PFKFB2: variants seen among roughly 807,000 people sequenced by gnomAD.
PFKFB2 encodes the protein 6-phosphofructo-2-kinase/fructose-2,6-bisphosphatase 2.
In PFKFB2, 53 loss-of-function variants were observed where a neutral mutation model predicts 68.0. That is an observed-to-expected ratio of 0.78 (90% CI 0.63 to 0.98). PFKFB2 has a LOEUF of 0.98. Ranked by LOEUF, PFKFB2 falls within the 50% of genes least tolerant of loss-of-function variation. The pLI, the probability that PFKFB2 is intolerant of heterozygous loss-of-function variation, is 0.00. For synonymous variants in PFKFB2, 222 were observed against 227.6 expected, an observed-to-expected ratio of 0.98 and a Z score of 0.22; for missense variants, 451 against 642.0, an observed-to-expected ratio of 0.70 and a Z score of 3.22.
rs1439274448 is a variant in PFKFB2, at chr1:207,077,759, T to A, written c.*5388T>A. 2 of 985,706 alleles carry A rather than the reference T, an allele frequency of 2.0e-6. No individual in the cohort carries two copies. Among genetic ancestry groups the A allele is most frequent in the Non-Finnish European group, 2.4e-6 (2 of 829,860 alleles). 61.1% of individuals were successfully genotyped at this position (985,706 alleles called of 1,614,324 possible). On this transcript the variant is annotated 3_prime_UTR_variant, in exon 15 of 15. Transcript: ENST00000367080. ...AGTGTGCATAACTGTATTTGAAATG[T>A]GTTTTTGTGTGCGTGTGTGTAGAAT...
intron 1 of PFKFB2, among the ~76,000 whole-genome samples, chr1:207,039,039 C>T (rs1196166807): frequency 6.6e-6 from 1 of 152,180 alleles, no homozygotes; most frequent in Non-Finnish European, 1.5e-5. Flanking sequence ...CTTAGCTTTT[C>T]CTAGCCAAAT....
At chr1:207,038,921 A>G (rs1264745631) in intron 1 of PFKFB2, among the ~76,000 whole-genome samples, 1 of 152,222 alleles carries the variant, frequency 6.6e-6, no homozygotes, top group East Asian at 1.9e-4. Flanking sequence ...TATTAAATGA[A>G]TTAATATTAT....
At chr1:207,047,076 A>C (rs1478811198) in intron 2 of PFKFB2, 2 of 152,502 alleles carry the variant, frequency 1.3e-5, no homozygotes, top group Non-Finnish European at 2.9e-5. Context: ...TGGGAGAAGT[A>C]AAAAAGATAC....
chr1:207,076,263 T>G lies in PFKFB2; in HGVS notation c.*3892T>G. On this transcript the variant is annotated 3_prime_UTR_variant, in exon 15 of 15. Transcript: ENST00000367080. Reference sequence around the variant, plus strand: ...GTTACTTTTTTTTTCTTTTTTTTTTTTTTTTATGAGCAGGAGATCTTAATT... The same window carrying G: ...GTTACTTTTTTTTTCTTTTTTTTTTGTTTTTATGAGCAGGAGATCTTAATT... 1 of 979,872 alleles carries G rather than the reference T, an allele frequency of 1.0e-6. No individual in the cohort carries two copies. The highest frequency in any genetic ancestry group is 4.7e-5 in the South Asian group (1 of 21,156). 60.7% of individuals were successfully genotyped at this position (979,872 alleles called of 1,614,324 possible). A position where few individuals can be genotyped will look rare whatever the true frequency, so the allele number is the denominator to read the frequency against.
At chr1:207,062,184 C>A in intron 3 of PFKFB2, 106 bp downstream of exon 3, 1 of 1,411,224 alleles carries the variant, frequency 7.1e-7, no homozygotes, top group Non-Finnish European at 9.8e-7. Context: ...GTGCTTTTGG[C>A]AGAAATAGCA....
chr1:207,062,001 G>T lies in PFKFB2; in HGVS notation c.134G>T (p.Gly45Val). Residue 45 changes from glycine to valine, a missense_variant, in exon 3 of 15, where the codon GGT becomes GTT. Gly to Val is a moderately radical substitution (Grantham distance 109, BLOSUM62 -3). Coordinates refer to ENST00000367080, the MANE Select transcript of PFKFB2 (RefSeq NM_006212.2). ...TNSPTLIVMIGLPARGKTYVS... is the reference protein window; with the variant it reads ...TNSPTLIVMIVLPARGKTYVS... ...TCCCCGACTCTGATCGTTATGATTG[G>T]TTTGCCAGCCCGGGGTAAAACCTAC... 6.2e-7 allele frequency: 1 copy of T among 1,614,188 alleles called. No homozygotes were observed. The highest frequency in any genetic ancestry group is 8.5e-7 in the Non-Finnish European group (1 of 1,180,026).
rs759818347 is a variant in PFKFB2 at position 207,067,552 on chromosome 1, G to A, written c.686G>A (p.Arg229Lys). Residue 229 changes from arginine (R) to lysine (K), a missense_variant, in exon 9 of 15, where the codon AGA becomes AAA. Arg to Lys is a conservative substitution (Grantham distance 26). Transcript: ENST00000367080. The part of the protein sequence containing the change: ...INVGQRFLVN[R>K]VQDYIQSKIV... ...GTGGGCCAGCGATTTTTAGTCAACA[G>A]AGTCCAGGACTACATCCAGAGCAAG... 1 of 1,613,950 alleles carries A rather than the reference G, an allele frequency of 6.2e-7. No individual in the cohort carries two copies. Among genetic ancestry groups the A allele is most frequent in the South Asian group, 1.1e-5 (1 of 91,070 alleles).
In PFKFB2 at chr1:207,068,244, A is replaced by G; in HGVS notation, c.922A>G (p.Ile308Val). Residue 308 changes from isoleucine to valine, a missense_variant, in exon 10 of 15, where the codon ATA becomes GTA. Physicochemically the swap from Ile to Val is conservative, Grantham distance 29. Transcript: ENST00000367080. Reference sequence around the variant, plus strand: ...GTGGACAAGCCAGTTGAAGAGGACCATACAGACTGCTGAATCTCTCGGGGT... The same window carrying G: ...GTGGACAAGCCAGTTGAAGAGGACCGTACAGACTGCTGAATCTCTCGGGGT... ...KVWTSQLKRT[I>V]QTAESLGVPY... 1 of 1,612,642 alleles carries G rather than the reference A, an allele frequency of 6.2e-7. No homozygotes were observed. The highest frequency in any genetic ancestry group is 8.5e-7 in the Non-Finnish European group (1 of 1,179,278).
rs141734566 is a variant in PFKFB2 at position 207,054,283 on chromosome 1, C to A, written c.-17-418C>A. Reference sequence around the variant, plus strand: ...TACTTCGTCTATACATAACCCACCCCACCCCAACTGCTGCCACTACTCTGC... The same window carrying A: ...TACTTCGTCTATACATAACCCACCCAACCCCAACTGCTGCCACTACTCTGC... On this transcript the variant is annotated intron_variant, in intron 1 of 14. Transcript: ENST00000367080. Among the ~76,000 whole-genome samples the A allele has an allele frequency of 3.2e-4, 49 of 152,238 alleles. No homozygotes were observed. The East Asian group carries it at 9.5e-3, about 29-fold the overall frequency.
intron 11 of PFKFB2, among the ~76,000 whole-genome samples, chr1:207,069,890 C>T (rs904497146): frequency 2.0e-5 from 3 of 152,014 alleles, no homozygotes; most frequent in African/African-American, 7.3e-5. Context: ...AGGCTATTTC[C>T]TTGTCTAAGT....
rs767860693 is a variant in PFKFB2, at chr1:207,067,718, T to C, written c.840+12T>C. The C allele has an allele frequency of 4.4e-6, 7 of 1,595,912 alleles. No homozygotes were observed. Among genetic ancestry groups the C allele is most frequent in the Middle Eastern group, 1.7e-4 (1 of 5,910 alleles). On this transcript the variant is annotated intron_variant, in intron 9 of 14. Coordinates refer to ENST00000367080, the MANE Select transcript of PFKFB2 (RefSeq NM_006212.2). The stretch of plus-strand genomic sequence containing the variant: ...TGCGGGGAAAGCAGGTGAGTAATTA[T>C]TCAGCACACTGGATTTTCTAGGCTT...
chr1:207,072,115 C>G lies in PFKFB2; in HGVS notation c.1351-89C>G. 3 of 1,546,512 alleles carry G rather than the reference C, an allele frequency of 1.9e-6. No individual in the cohort carries two copies. The South Asian group carries it at 3.8e-5, about 20-fold the overall frequency. On this transcript the variant is annotated intron_variant, in intron 14 of 14. Transcript: ENST00000367080. ...TGCAGAGGAGCAGGAGTGAGGGAAG[C>G]TGTTGTGGTTACAAGCGCATTATTA...
At position 207,073,138 on chromosome 1, in the gene PFKFB2, A is replaced by C; in HGVS notation, c.*767A>C. The C allele has an allele frequency of 1.0e-6, 1 of 985,460 alleles. No individual in the cohort carries two copies. Among genetic ancestry groups the C allele is most frequent in the Non-Finnish European group, 1.2e-6 (1 of 829,984 alleles). 61.0% of individuals were successfully genotyped at this position (985,460 alleles called of 1,614,324 possible). ...GAGTTCTTGCCTCCTTTCATGAGAAACAGTTCTAAGTCTTCGATGCCCTGG... is the reference window on the plus strand; with the variant it reads ...GAGTTCTTGCCTCCTTTCATGAGAACCAGTTCTAAGTCTTCGATGCCCTGG... On this transcript the variant is annotated 3_prime_UTR_variant, in exon 15 of 15. Transcript: ENST00000367080.
In PFKFB2 at chr1:207,063,682, G is replaced by A; in HGVS notation, c.451-91G>A. ...TTTCATGAAGAAAATCCTGGGAGATGTGGTGGCTGGGTGGGGTAGATGAGC... is the reference window on the plus strand; with the variant it reads ...TTTCATGAAGAAAATCCTGGGAGATATGGTGGCTGGGTGGGGTAGATGAGC... On this transcript the variant is annotated intron_variant, in intron 6 of 14. Transcript: ENST00000367080. The surrounding 1 kb of genome is among the most constrained non-coding windows in gnomAD (Gnocchi z 4.1). 4 of 1,053,096 alleles carry A rather than the reference G, an allele frequency of 3.8e-6. No homozygotes were observed. Among genetic ancestry groups the A allele is most frequent in the Middle Eastern group, 4.0e-4 (2 of 4,948 alleles). The allele number at this position is 1,053,096 out of a possible 1,614,324, so 65.2% of individuals were successfully genotyped here.
chr1:207,054,627 A>T, intron 1 of PFKFB2, 74 bp from the exon 2 acceptor site: 2 of 981,880 alleles, frequency 2.0e-6, no homozygotes, highest in Non-Finnish European at 3.1e-6. Flanking sequence ...ACACGGATCC[A>T]ATGCACTGAC....
At position 207,065,153 on chromosome 1, in the gene PFKFB2, T is replaced by A. The variant is rs1296032607; in HGVS notation, c.625T>A (p.Tyr209Asn). ...CTACCGACCTCTTGACCCAGACAAC[T>A]ATGACAAGTAAGGTTTAAGGCCATG... ...VTYRPLDPDN[Y>N]DKDLSFIKVI... Residue 209 changes from tyrosine to asparagine, a missense_variant, in exon 8 of 15, where the codon TAT becomes AAT. Transcript: ENST00000367080. 3.1e-6 allele frequency: 5 copies of A among 1,613,724 alleles called. No homozygotes were observed. Among genetic ancestry groups the A allele is most frequent in the Non-Finnish European group, 3.4e-6 (4 of 1,179,802 alleles).
At chr1:207,054,137 C>G (rs1289032671) in intron 1 of PFKFB2, among the ~76,000 whole-genome samples, 1 of 151,890 alleles carries the variant, frequency 6.6e-6, no homozygotes, top group African/African-American at 2.4e-5. Flanking sequence ...CTCTTGACCT[C>G]TTGATCCGCC....
intron 8 of PFKFB2, 59 bp downstream of exon 8, chr1:207,065,219 A>G (rs1316441893): frequency 2.5e-6 from 4 of 1,594,198 alleles, no homozygotes; most frequent in Non-Finnish European, 3.4e-6. Context: ...TGGGAAAATA[A>G]CCTTTCTCCC....
At chr1:207,069,279 G>A in intron 10 of PFKFB2, 145 bp from the exon 11 acceptor site, 1 of 567,556 alleles carries the variant, frequency 1.8e-6, no homozygotes, top group Non-Finnish European at 3.2e-6. Context: ...CTGGTCACAG[G>A]CAGCTGCAAT....
Sources: gnomAD v4.1 joint callset for allele counts (sites outside exome capture counted in the v4.1 genomes callset) on GRCh38, gnomAD v4.1.1 for gene constraint, Gnocchi (gnomAD v3.1) non-coding constraint, MANE v1.5 for transcripts, NCBI Gene and HGNC (gene_info 2026-07-23, HGNC 2026-07-21) for gene names.